Variants in SPOCK3 observed in about 807,000 individuals in gnomAD.
SPOCK3 encodes the protein testican-3.
In SPOCK3, 30 loss-of-function variants were observed where a neutral mutation model predicts 56.6. The ratio of observed to expected loss-of-function variants is 0.53; its 90% CI spans 0.40 to 0.72. The LOEUF (loss-of-function observed/expected upper bound fraction) is 0.72. Ranked by LOEUF, SPOCK3 falls within the 30% of genes least tolerant of loss-of-function variation. The pLI is 0.00. For synonymous variants in SPOCK3, 196 were observed against 183.3 expected (o/e 1.07, Z -0.56); for missense variants, 527 against 530.0 (o/e 0.99, Z 0.06).
chr4:166,795,758 TC>T (rs1365388053), intron 6 of SPOCK3, among the ~76,000 whole-genome samples: 5 of 152,128 alleles, frequency 3.3e-5, no homozygotes, highest in Admixed American at 1.3e-4. Context: ...AATATTTTTT[TC>T]AGGTGTCAAA....
At chr4:167,218,802 C>T (rs1353055171) in intron 2 of SPOCK3, among the ~76,000 whole-genome samples, 1 of 152,004 alleles carries the variant, frequency 6.6e-6, no homozygotes, top group East Asian at 1.9e-4. Flanking sequence ...TTTTAAATGA[C>T]AATAACATTA....
At chr4:166,875,330 A>T in intron 6 of SPOCK3, among the ~76,000 whole-genome samples, 2 of 152,186 alleles carry the variant, frequency 1.3e-5, no homozygotes, top group Middle Eastern at 6.9e-3. Flanking sequence ...TATATTATTA[A>T]TTTTAATGGT....
intron 4 of SPOCK3, among the ~76,000 whole-genome samples, chr4:167,000,043 G>A (rs922241929): frequency 1.3e-5 from 2 of 151,976 alleles, no homozygotes; most frequent in Admixed American, 6.6e-5. Flanking sequence ...TATGTAGAGG[G>A]AACAAAACTA....
In SPOCK3 at chr4:166,764,066, G is replaced by A. The variant is rs117994110; in HGVS notation, c.710-9337C>T. On this transcript the variant is annotated intron_variant, in intron 7 of 10. Coordinates refer to ENST00000357545, the MANE Select transcript of SPOCK3 (RefSeq NM_001040159.2). Reference sequence around the variant, plus strand: ...TTTGGGGCCCTTGATGGCTACCAGTGGAGGACAATTTCCACCTAGCCACCA... The same window carrying A: ...TTTGGGGCCCTTGATGGCTACCAGTAGAGGACAATTTCCACCTAGCCACCA... Among the ~76,000 whole-genome samples the A allele has an allele frequency of 1.5e-3, 223 of 152,094 alleles. 7 individuals carry two copies. The East Asian group carries it at 0.031, about 21-fold the overall frequency.
intron 4 of SPOCK3, among the ~76,000 whole-genome samples, chr4:167,000,010 G>A (rs1748786786): frequency 6.6e-6 from 1 of 152,110 alleles, no homozygotes; most frequent in African/African-American, 2.4e-5. Context: ...AAATAAAGAT[G>A]TTTGAATAGC....
At chr4:167,205,490 A>ATATATATTAT (rs1734144752) in intron 2 of SPOCK3, among the ~76,000 whole-genome samples, 1 of 53,090 alleles carries the variant, frequency 1.9e-5, no homozygotes, top group Non-Finnish European at 3.2e-5. Context: ...ATAATATATA[A>ATATATATTAT]TATATAATAT....
intron 7 of SPOCK3, among the ~76,000 whole-genome samples, chr4:166,776,211 G>A (rs891007560): frequency 3.9e-5 from 6 of 151,988 alleles, no homozygotes; most frequent in African/African-American, 1.4e-4. Context: ...TCAGGAGATC[G>A]AGACTATCCT....
intron 2 of SPOCK3, among the ~76,000 whole-genome samples, chr4:167,096,789 T>C (rs1759197390): frequency 6.6e-6 from 1 of 151,878 alleles, no homozygotes; most frequent in Non-Finnish European, 1.5e-5. Context: ...TTAATACTAT[T>C]GTACATTCAT....
At chr4:166,855,382 G>A (rs559226691) in intron 6 of SPOCK3, among the ~76,000 whole-genome samples, 2 of 125,784 alleles carry the variant, frequency 1.6e-5, no homozygotes, top group Non-Finnish European at 4.0e-5. Context: ...GAGACAAAGC[G>A]ACTCTATTTT....
intron 2 of SPOCK3, among the ~76,000 whole-genome samples, chr4:167,095,741 A>C (rs1279350630): frequency 6.6e-6 from 1 of 151,588 alleles, no homozygotes; most frequent in African/African-American, 2.4e-5. Context: ...AACCTCCCAA[A>C]CTTGCATGAG....
At chr4:167,138,011 A>G (rs1268164859) in intron 2 of SPOCK3, among the ~76,000 whole-genome samples, 1 of 151,792 alleles carries the variant, frequency 6.6e-6, no homozygotes, top group Non-Finnish European at 1.5e-5. Context: ...ATTTTAAATA[A>G]TCTTAAATTT....
chr4:167,213,911 CTATTG>C (rs1735118133), intron 2 of SPOCK3, among the ~76,000 whole-genome samples: 1 of 152,104 alleles, frequency 6.6e-6, no homozygotes, highest in African/African-American at 2.4e-5. Context: ...ATGACTTAAT[CTATTG>C]TACTGTCACA....
At chr4:167,113,672 G>A (rs982609103) in intron 2 of SPOCK3, among the ~76,000 whole-genome samples, 1 of 152,072 alleles carries the variant, frequency 6.6e-6, no homozygotes, top group African/African-American at 2.4e-5. Context: ...AGCAACAGCA[G>A]TAAACCTCAT....
intron 2 of SPOCK3, among the ~76,000 whole-genome samples, chr4:167,140,073 G>A (rs190713819): frequency 9.9e-5 from 15 of 152,160 alleles, no homozygotes; most frequent in East Asian, 9.7e-4. Flanking sequence ...GAATGTAGAC[G>A]TTCAAAGAAT....
chr4:166,888,682 A>C (rs530219979), intron 6 of SPOCK3, among the ~76,000 whole-genome samples: 5 of 152,180 alleles, frequency 3.3e-5, no homozygotes, highest in Non-Finnish European at 7.4e-5. Flanking sequence ...GGAAATTATG[A>C]AACACCAGCT....
At chr4:167,032,859 T>C (rs1752403055) in intron 3 of SPOCK3, among the ~76,000 whole-genome samples, 1 of 151,988 alleles carries the variant, frequency 6.6e-6, no homozygotes, top group South Asian at 2.1e-4. Context: ...CAATTGTCAT[T>C]ATCTCTTAAG....
At chr4:166,749,603 T>A (rs892051981) in intron 8 of SPOCK3, among the ~76,000 whole-genome samples, 2 of 151,948 alleles carry the variant, frequency 1.3e-5, no homozygotes, top group Non-Finnish European at 2.9e-5. Flanking sequence ...AACCTGCACG[T>A]TGTGCACATG....
rs767063990 is a variant in SPOCK3, at chr4:166,792,232, G to T, written c.647C>A (p.Ala216Asp). ...VANRLRDWFKALHESGSQNKK... is the reference protein window; with the variant it reads ...VANRLRDWFKDLHESGSQNKK... ...GTTTTGACTTCCACTTTCATGAAGG[G>T]CCTTGAACCAGTCCCGCAATCTGTT... is the stretch of plus-strand genomic sequence containing the variant. The change falls in exon 7 of 11, where the codon GCC (alanine) becomes GAC (aspartate). Residue 216 changes from alanine to aspartate, a missense_variant. Coordinates refer to ENST00000357545, the MANE Select transcript of SPOCK3 (RefSeq NM_001040159.2). 7.4e-6 allele frequency: 12 copies of T among 1,613,640 alleles called. No homozygotes were observed. The highest frequency in any genetic ancestry group is 1.0e-5 in the Non-Finnish European group (12 of 1,179,828).
intron 3 of SPOCK3, among the ~76,000 whole-genome samples, chr4:167,008,388 T>G (rs1375944855): frequency 4.6e-5 from 7 of 152,266 alleles, no homozygotes; most frequent in Admixed American, 1.3e-4. Context: ...TAAACTATAT[T>G]ACTAGAGGTA....
Sources: allele counts gnomAD v4.1 joint callset (sites outside exome capture counted in the v4.1 genomes callset), GRCh38; gene constraint gnomAD v4.1.1; transcripts MANE v1.5; gene names NCBI Gene and HGNC (gene_info 2026-07-23, HGNC 2026-07-21).